The following NECTIN4 variants were observed in gnomAD, a reference collection of about 807,000 sequenced individuals.
The protein encoded by NECTIN4 is nectin-4.
NECTIN4 carries 19 observed loss-of-function variants against 51.7 expected under a neutral mutation model. The ratio of observed to expected loss-of-function variants is 0.37; its 90% CI spans 0.26 to 0.54. NECTIN4 has a LOEUF of 0.54. Among genes scored for constraint, NECTIN4 ranks in the 20% least tolerant of loss-of-function variants. The probability of loss-of-function intolerance (pLI) is 0.86; values close to 1 mark genes in which losing one functional copy is unlikely to be tolerated. For missense variants in NECTIN4, 619 were observed against 662.4 expected (o/e 0.93, Z 0.72); for synonymous variants, 283 against 286.9 (o/e 0.99, Z 0.14).
chr1:161,075,732 A>C (rs1571146590), intron 4 of NECTIN4, among the ~76,000 whole-genome samples: 1 of 152,040 alleles, frequency 6.6e-6, no homozygotes, highest in African/African-American at 2.4e-5. Flanking sequence ...AGATCGCACC[A>C]CTGCACTCCA....
Position 161,079,732 on chromosome 1 carries a change from C to A in NECTIN4, c.297G>T (p.Glu99Asp). 6.2e-7 allele frequency: 1 copy of A among 1,610,076 alleles called. No homozygotes were observed. ...HVSPAYEGRV[E>D]QPPPPRNPLD... ...GGGGGTTGCGTGGGGGCGGCGGCTG[C>A]TCCACGCGGCCCTCGTAAGCCGGGC... Residue 99 changes from glutamate (E) to aspartate (D), a missense_variant, in exon 2 of 9, where the codon GAG becomes GAT. Coordinates refer to ENST00000368012, the MANE Select transcript of NECTIN4 (RefSeq NM_030916.3).
chr1:161,085,304 T>G (rs1407454576), intron 1 of NECTIN4, among the ~76,000 whole-genome samples: 1 of 151,978 alleles, frequency 6.6e-6, no homozygotes, highest in Non-Finnish European at 1.5e-5. Flanking sequence ...GCAGCCCCAC[T>G]CTGGCCCAGA....
At position 161,074,302 on chromosome 1, in the gene NECTIN4, C is replaced by T. The variant is rs1376483844; in HGVS notation, c.1072G>A (p.Ala358Thr). ...ACCACCAGAAGGCAGAACAAGAGTG[C>T]GGCGATCACACCCACCACCACCACC... ...ASVVVVGVIA[A>T]LLFCLLVVVV... Residue 358 changes from alanine (A) to threonine (T), a missense_variant, in exon 6 of 9, where the codon GCA becomes ACA. Coordinates refer to ENST00000368012, the MANE Select transcript of NECTIN4 (RefSeq NM_030916.3). 5.0e-6 allele frequency: 8 copies of T among 1,613,982 alleles called. No individual in the cohort carries two copies. The highest frequency in any genetic ancestry group is 3.3e-5 in the Admixed American group (2 of 60,016).
At chr1:161,085,689 C>T (rs896056059) in intron 1 of NECTIN4, among the ~76,000 whole-genome samples, 6 of 149,934 alleles carry the variant, frequency 4.0e-5, no homozygotes, top group East Asian at 1.9e-4. Context: ...TTCTGAACTT[C>T]GCCTCCTCTT....
In NECTIN4 at chr1:161,085,336, G is replaced by A. The variant is rs190229952; in HGVS notation, c.79+3882C>T. Among the ~76,000 whole-genome samples, 26 of 152,198 alleles carry A rather than the reference G, an allele frequency of 1.7e-4. 1 individual carries two copies. In the East Asian group the frequency reaches 4.8e-3, roughly 28 times the overall value. The stretch of plus-strand genomic sequence containing the variant: ...CAGACACAGCTCCCAGCACAGATAA[G>A]TCCCCTAAACCCCCCGGAGCCAGAG... On this transcript the variant is annotated intron_variant, in intron 1 of 8. Transcript: ENST00000368012.
At position 161,089,310 on chromosome 1, in the gene NECTIN4, A is replaced by T. The variant is rs1015351011; in HGVS notation, c.-14T>A. On this transcript the variant is annotated 5_prime_UTR_variant, in exon 1 of 9. Coordinates refer to ENST00000368012, the MANE Select transcript of NECTIN4 (RefSeq NM_030916.3). The surrounding 1 kb of genome is among the most constrained non-coding windows in gnomAD (Gnocchi z 4.1). ...GGACAGGGGCATGGTTGAAAGGCAG[A>T]CTGCCCAGCGTTTCTGAAGTTCCAC... 3.1e-6 allele frequency: 5 copies of T among 1,606,380 alleles called. No individual in the cohort carries two copies. Among genetic ancestry groups the T allele is most frequent in the Non-Finnish European group, 4.2e-6 (5 of 1,179,104 alleles).
intron 1 of NECTIN4, among the ~76,000 whole-genome samples, chr1:161,082,348 G>A (rs558955857): frequency 2.2e-4 from 34 of 152,092 alleles, no homozygotes; most frequent in African/African-American, 6.8e-4. Flanking sequence ...AAAAAAATGA[G>A]GAGGAACAAG....
At chr1:161,076,008 G>A (rs1023787203) in intron 4 of NECTIN4, among the ~76,000 whole-genome samples, 4 of 150,740 alleles carry the variant, frequency 2.7e-5, no homozygotes, top group East Asian at 3.9e-4. Flanking sequence ...CCCAGGAGGC[G>A]GAGGTTTCAG....
At chr1:161,083,565 G>T (rs753051543) in intron 1 of NECTIN4, among the ~76,000 whole-genome samples, 1 of 152,210 alleles carries the variant, frequency 6.6e-6, no homozygotes, top group Non-Finnish European at 1.5e-5. Flanking sequence ...GACTCCGGCT[G>T]GTTAGACACT....
Position 161,077,603 on chromosome 1 carries a change from G to C in NECTIN4, c.580C>G (p.Arg194Gly), listed in dbSNP as rs868422471. ...GCAGAGCGGGAGTGCTTGAAGGAACGGCTGGACGTTGTGCCTTTGACCTCC... is the reference window on the plus strand; with the variant it reads ...GCAGAGCGGGAGTGCTTGAAGGAACCGCTGGACGTTGTGCCTTTGACCTCC... Reference protein sequence around the residue: ...DTEVKGTTSSRSFKHSRSAAV... With the variant: ...DTEVKGTTSSGSFKHSRSAAV... Residue 194 changes from arginine (R) to glycine (G), a missense_variant, in exon 3 of 9, where the codon CGT (arginine) becomes GGT (glycine). Coordinates refer to ENST00000368012, the MANE Select transcript of NECTIN4 (RefSeq NM_030916.3). 1 of 1,613,820 alleles carries C rather than the reference G, an allele frequency of 6.2e-7. No individual in the cohort carries two copies. Among genetic ancestry groups the C allele is most frequent in the Non-Finnish European group, 8.5e-7 (1 of 1,180,030 alleles).
At chr1:161,084,433 T>A (rs4233364) in intron 1 of NECTIN4, 137,636 of 152,354 alleles carry the variant, frequency 0.9, 62,490 homozygotes, top group African/African-American at 0.97. Context: ...GCCCTTGGTC[T>A]GTGGTATGTG....
intron 2 of NECTIN4, among the ~76,000 whole-genome samples, chr1:161,078,752 C>T (rs1257047434): frequency 5.9e-5 from 9 of 152,106 alleles, no homozygotes; most frequent in African/African-American, 1.9e-4. Flanking sequence ...TGGCTCACGC[C>T]TGTAATCCCA....
chr1:161,076,869 G>A (rs1449639452), intron 3 of NECTIN4, among the ~76,000 whole-genome samples: 1 of 152,178 alleles, frequency 6.6e-6, no homozygotes, highest in Non-Finnish European at 1.5e-5. Flanking sequence ...ACAAACATTT[G>A]TTGAGGACCT....
At chr1:161,077,373 C>T (rs1432203754) in intron 3 of NECTIN4, 80 bp downstream of exon 3, 2 of 1,526,676 alleles carry the variant, frequency 1.3e-6, no homozygotes, top group African/African-American at 1.4e-5. Flanking sequence ...GCCAGCCTGG[C>T]ATGGCTCAGG....
In NECTIN4 at chr1:161,079,650, A is replaced by C. The variant is rs1653577975; in HGVS notation, c.379T>G (p.Cys127Gly). The change falls in exon 2 of 9, where the codon TGC becomes GGC. Residue 127 changes from cysteine to glycine, a missense_variant. Physicochemically the swap from Cys to Gly is radical, Grantham distance 159. Coordinates refer to ENST00000368012, the MANE Select transcript of NECTIN4 (RefSeq NM_030916.3). ...CCGGCGGGGAAGGTGCTGACCCGGC[A>C]CTCGTACTCGCCCTCATCCGCCTGC... The part of the protein sequence containing the change: ...AVQADEGEYE[C>G]RVSTFPAGSF... The C allele has an allele frequency of 6.2e-7, 1 of 1,605,666 alleles. No individual in the cohort carries two copies.
chr1:161,082,046 C>G (rs565305202), intron 1 of NECTIN4, among the ~76,000 whole-genome samples: 3 of 151,832 alleles, frequency 2.0e-5, no homozygotes, highest in South Asian at 2.1e-4. Context: ...TGAGGAGGAA[C>G]AGGCTGGGCA....
chr1:161,089,551 A>C lies in NECTIN4; in HGVS notation c.-255T>G. 2 of 525,306 alleles carry C rather than the reference A, an allele frequency of 3.8e-6. No homozygotes were observed. Among genetic ancestry groups the C allele is most frequent in the Non-Finnish European group, 3.4e-6 (1 of 290,414 alleles). The allele number at this position is 525,306 out of a possible 1,614,324, so 32.5% of individuals were successfully genotyped here. On this transcript the variant is annotated 5_prime_UTR_variant, in exon 1 of 9. Transcript: ENST00000368012. This position sits in a 1 kb window ranked among gnomAD's most constrained non-coding sequence, Gnocchi z 4.1. The stretch of plus-strand genomic sequence containing the variant: ...GCTGCTTCCCACGCTGTGGCCAACA[A>C]CGACGGCAGAAACCTGGGAACCTGC...
rs376808602 is a variant in NECTIN4, at chr1:161,074,726, C to T, written c.885G>A (p.Val295=). The T allele has an allele frequency of 3.0e-5, 48 of 1,613,964 alleles. No individual in the cohort carries two copies. Among genetic ancestry groups the T allele is most frequent in the Non-Finnish European group, 4.0e-5 (47 of 1,180,042 alleles). The change falls in exon 5 of 9, where the codon GTG becomes GTA. Residue 295 remains valine (V), a synonymous_variant. Coordinates refer to ENST00000368012, the MANE Select transcript of NECTIN4 (RefSeq NM_030916.3). The part of the protein sequence containing the change: ...LDGPLPSGVR[V]DGDTLGFPPL... The stretch of plus-strand genomic sequence containing the variant: ...GGGGAAAGCCCAAAGTGTCCCCATC[C>T]ACTCGTACCCCACTGGGCAGAGGCC...
intron 4 of NECTIN4, among the ~76,000 whole-genome samples, chr1:161,075,599 C>G (rs954091721): frequency 1.7e-4 from 26 of 151,908 alleles, no homozygotes; most frequent in Admixed American, 2.0e-4. Flanking sequence ...GGTGAAAGCC[C>G]ATCTCTACTA....
Sources: allele counts gnomAD v4.1 joint callset (sites outside exome capture counted in the v4.1 genomes callset), GRCh38; gene constraint gnomAD v4.1.1; non-coding constraint Gnocchi (gnomAD v3.1); transcripts MANE v1.5; gene names NCBI Gene and HGNC (gene_info 2026-07-23, HGNC 2026-07-21).